Variants in GRIA3 observed in about 807,000 individuals in gnomAD.
GRIA3 encodes glutamate receptor 3.
GRIA3 carries 3 observed loss-of-function variants against 63.0 expected under a neutral mutation model. That is an observed-to-expected ratio of 0.05 (90% CI 0.02 to 0.12). The LOEUF is 0.12. Among genes scored for constraint, GRIA3 ranks in the 10% least tolerant of loss-of-function variants. The pLI is 1.00. For missense variants in GRIA3, 347 were observed against 700.9 expected, an observed-to-expected ratio of 0.50 and a Z score of 5.70; for synonymous variants, 274 against 257.9, an observed-to-expected ratio of 1.06 and a Z score of -0.60.
chrX:123,388,122 T>C (rs2045363947), intron 5 of GRIA3, among the ~76,000 whole-genome samples: 1 of 112,193 alleles, frequency 8.9e-6, no homozygotes, highest in African/African-American at 3.2e-5. Flanking sequence ...TATTGGTCTG[T>C]TTAGGTTTTC....
At chrX:123,483,100 C>CT in intron 15 of GRIA3, 54 bp downstream of exon 15, 3 of 932,232 alleles carry the variant, frequency 3.2e-6, no homozygotes, top group Admixed American at 2.6e-5. Flanking sequence ...ATGTCAATCT[C>CT]TTTTTTTCTT....
At chrX:123,461,785 T>C (rs950052594) in intron 12 of GRIA3, among the ~76,000 whole-genome samples, 5 of 110,799 alleles carry the variant, frequency 4.5e-5, no homozygotes, top group Admixed American at 1.9e-4. Flanking sequence ...CGATGGAGCC[T>C]GACCAAGGGA....
intron 12 of GRIA3, among the ~76,000 whole-genome samples, chrX:123,428,468 G>A (rs372644698): frequency 3.6e-5 from 4 of 111,732 alleles, no homozygotes; most frequent in South Asian, 7.6e-4. Flanking sequence ...ATAATGAGGG[G>A]ATTGAACTAA....
At position 123,359,238 on chromosome X, in the gene GRIA3, T is replaced by C. The variant is rs2045153459; in HGVS notation, c.750+4275T>C. Among the ~76,000 whole-genome samples the C allele has an allele frequency of 2.7e-5, 3 of 112,281 alleles. No homozygotes were observed. The Admixed American group carries it at 2.8e-4, about 11-fold the overall frequency. ...CTATCCCAGCAATTCTGTGATTTTA[T>C]AGATACCATTCCTTAGAATGAGGCT... is the stretch of plus-strand genomic sequence containing the variant. On this transcript the variant is annotated intron_variant, in intron 5 of 15. Transcript: ENST00000620443.
intron 5 of GRIA3, among the ~76,000 whole-genome samples, chrX:123,368,661 T>C (rs2045228770): frequency 9.1e-6 from 1 of 110,472 alleles, no homozygotes; most frequent in Non-Finnish European, 1.9e-5. Flanking sequence ...TTTCCACTTT[T>C]ACCTAATGGC....
chrX:123,486,086 T>A (rs1603182316), intron 15 of GRIA3, among the ~76,000 whole-genome samples: 1 of 81,446 alleles, frequency 1.2e-5, no homozygotes, highest in African/African-American at 4.9e-5. Context: ...GAAGGAAGGA[T>A]GGAGGCAGGG....
chrX:123,473,514 G>A (rs963174040), intron 13 of GRIA3, among the ~76,000 whole-genome samples: 2 of 111,790 alleles, frequency 1.8e-5, no homozygotes, highest in African/African-American at 6.5e-5. Context: ...TGATGCTGGG[G>A]CTTTTCCAGA....
intron 12 of GRIA3, among the ~76,000 whole-genome samples, chrX:123,446,714 A>G: frequency 8.9e-6 from 1 of 112,173 alleles, no homozygotes; most frequent in Middle Eastern, 4.6e-3. Context: ...ACAGGCCTGA[A>G]TAAGCATTCC....
rs550873903 is a variant in GRIA3, at chrX:123,455,379, T to C, written c.2077-9486T>C. Among the ~76,000 whole-genome samples, 25 of 112,184 alleles carry C rather than the reference T, an allele frequency of 2.2e-4. 1 individual carries two copies. Among genetic ancestry groups the C allele is most frequent in the East Asian group, 2.0e-3 (7 of 3,564 alleles). On this transcript the variant is annotated intron_variant, in intron 12 of 15. Coordinates refer to ENST00000620443, the MANE Select transcript of GRIA3 (RefSeq NM_007325.5). The stretch of plus-strand genomic sequence containing the variant: ...CCATGCTTAGAAATGATATCATTTG[T>C]TGTGTGCCTTGCTCCAAATCAAAAT...
intron 5 of GRIA3, among the ~76,000 whole-genome samples, chrX:123,384,422 C>T (rs1002974755): frequency 4.5e-5 from 5 of 111,618 alleles, no homozygotes; most frequent in Admixed American, 9.5e-5. Flanking sequence ...GTCGGGAGTT[C>T]GAGACCAGCC....
At chrX:123,438,126 T>C (rs1256300159) in intron 12 of GRIA3, among the ~76,000 whole-genome samples, 1 of 112,039 alleles carries the variant, frequency 8.9e-6, no homozygotes, top group African/African-American at 3.2e-5. Context: ...AAATAGAAAC[T>C]CTATAACCAT....
At chrX:123,282,256 C>T (rs919956724) in intron 3 of GRIA3, among the ~76,000 whole-genome samples, 3 of 112,154 alleles carry the variant, frequency 2.7e-5, no homozygotes, top group African/African-American at 9.7e-5. Flanking sequence ...AAAATTAAAA[C>T]AAAAGGAAAC....
intron 3 of GRIA3, among the ~76,000 whole-genome samples, chrX:123,292,691 A>G (rs985923668): frequency 9.0e-6 from 1 of 111,512 alleles, no homozygotes; most frequent in Non-Finnish European, 1.9e-5. Context: ...TAAGCTCAGT[A>G]ACACTTTGTT....
At chrX:123,469,815 C>CA (rs1207179399) in intron 13 of GRIA3, among the ~76,000 whole-genome samples, 2 of 111,975 alleles carry the variant, frequency 1.8e-5, no homozygotes, top group African/African-American at 6.5e-5. Context: ...CACATAGGCA[C>CA]ATCAGCCTCC....
At chrX:123,319,480 C>A (rs766315688) in intron 3 of GRIA3, among the ~76,000 whole-genome samples, 1 of 111,989 alleles carries the variant, frequency 8.9e-6, no homozygotes, top group Non-Finnish European at 1.9e-5. Flanking sequence ...GTCACCTATA[C>A]TTTTTCTTTT....
chrX:123,371,050 C>T (rs1408037378), intron 5 of GRIA3, among the ~76,000 whole-genome samples: 1 of 101,717 alleles, frequency 9.8e-6, no homozygotes, highest in African/African-American at 3.6e-5. Context: ...CTACCCTTCC[C>T]AACCTCTGAT....
At position 123,354,645 on chromosome X, in the gene GRIA3, A is replaced by G. The variant is rs180793001; in HGVS notation, c.697-265A>G. On this transcript the variant is annotated intron_variant, in intron 4 of 15. Transcript: ENST00000620443. ...GATCTTCAGCTTCATCACTTTTGCC[A>G]TCTATTTTAAGTGACAGTGATGCTA... Among the ~76,000 whole-genome samples the G allele has an allele frequency of 6.3e-5, 7 of 111,753 alleles. No homozygotes were observed. The East Asian group carries it at 2.0e-3, about 32-fold the overall frequency.
At chrX:123,232,387 A>C in intron 2 of GRIA3, among the ~76,000 whole-genome samples, 1 of 111,690 alleles carries the variant, frequency 9.0e-6, no homozygotes, top group African/African-American at 3.3e-5. Flanking sequence ...CCCACTTTCA[A>C]CTCAGGTTAA....
intron 3 of GRIA3, among the ~76,000 whole-genome samples, chrX:123,285,276 G>A (rs975733545): frequency 5.4e-5 from 6 of 110,419 alleles, no homozygotes; most frequent in Non-Finnish European, 1.1e-4. Context: ...TGGAAAAACC[G>A]GTACCAGCCA....
Sources: allele counts gnomAD v4.1 joint callset (sites outside exome capture counted in the v4.1 genomes callset), GRCh38; gene constraint gnomAD v4.1.1; transcripts MANE v1.5; gene names NCBI Gene and HGNC (gene_info 2026-07-23, HGNC 2026-07-21).